The following PPTC7 variants were observed in gnomAD, a reference collection of about 807,000 sequenced individuals.
The protein encoded by PPTC7 is protein phosphatase targeting COQ7.
In PPTC7, 6 loss-of-function variants were observed where a neutral mutation model predicts 30.8. The ratio of observed to expected loss-of-function variants is 0.19; its 90% confidence interval spans 0.11 to 0.38. The LOEUF (loss-of-function observed/expected upper bound fraction) is 0.38, where lower values mean the gene tolerates loss of function less well. Ranked by LOEUF, PPTC7 falls within the 10% of genes least tolerant of loss-of-function variation. PPTC7 has a pLI of 1.00. For missense variants in PPTC7, 218 were observed against 404.8 expected (o/e 0.54, Z 3.96); for synonymous variants, 163 against 168.1 (o/e 0.97, Z 0.23).
At position 110,536,793 on chromosome 12, in the gene PPTC7, C is replaced by T. The variant is rs1293494850; in HGVS notation, c.*244G>A. 1.3e-5 allele frequency: 6 copies of T among 470,318 alleles called. No homozygotes were observed. Among genetic ancestry groups the T allele is most frequent in the African/African-American group, 2.0e-5 (1 of 50,540 alleles). The allele number at this position is 470,318 out of a possible 1,614,324, so 29.1% of individuals were successfully genotyped here. A position where few individuals can be genotyped will look rare whatever the true frequency, so the allele number is the denominator to read the frequency against. On this transcript the variant is annotated 3_prime_UTR_variant, in exon 6 of 6. Transcript: ENST00000354300. ...TCCATCCCCATCATGGAAAGAACAT[C>T]GAGAAATGAAGGCCAATCTTCAAAT...
Position 110,550,889 on chromosome 12 carries a change from C to T in PPTC7, c.403+900G>A, listed in dbSNP as rs117377306. 6.9e-3 allele frequency among the ~76,000 whole-genome samples: 1,044 copies of T among 152,294 alleles called. 1 individual carries two copies. Among genetic ancestry groups the T allele is most frequent in the Non-Finnish European group, 9.4e-3 (637 of 68,024 alleles). On this transcript the variant is annotated intron_variant, in intron 2 of 5. Coordinates refer to ENST00000354300, the MANE Select transcript of PPTC7 (RefSeq NM_139283.2). Reference sequence around the variant, plus strand: ...AATGAACTGAATTTTGCAGGCCAGACCATTTCTTTTCTTTCCTCTTGCTCT... The same window carrying T: ...AATGAACTGAATTTTGCAGGCCAGATCATTTCTTTTCTTTCCTCTTGCTCT...
intron 1 of PPTC7, among the ~76,000 whole-genome samples, chr12:110,576,233 T>G (rs936824418): frequency 2.0e-5 from 3 of 152,024 alleles, no homozygotes; most frequent in Admixed American, 2.0e-4. Flanking sequence ...ATTTATATAT[T>G]TGATTGCTGC....
At position 110,546,095 on chromosome 12, in the gene PPTC7, T is replaced by C. The variant is rs758610174; in HGVS notation, c.404-17A>G. Reference sequence around the variant, plus strand: ...TGCTGCTACCTAGAAACAAAAATCATCTCCATTTATTTTTTCTTCCTAGGC... The same window carrying C: ...TGCTGCTACCTAGAAACAAAAATCACCTCCATTTATTTTTTCTTCCTAGGC... On this transcript the variant is annotated splice_polypyrimidine_tract_variant and intron_variant, in intron 2 of 5. Transcript: ENST00000354300. 3.1e-6 allele frequency: 5 copies of C among 1,608,742 alleles called. No homozygotes were observed. The Admixed American group carries it at 6.7e-5, about 22-fold the overall frequency.
intron 1 of PPTC7, among the ~76,000 whole-genome samples, chr12:110,581,826 C>A (rs1038697014): frequency 1.3e-5 from 2 of 152,204 alleles, no homozygotes; most frequent in African/African-American, 2.4e-5. Flanking sequence ...CTTAGTCTCA[C>A]CTGGGAAGGG....
At chr12:110,553,982 C>T (rs1484146161) in intron 1 of PPTC7, among the ~76,000 whole-genome samples, 2 of 152,088 alleles carry the variant, frequency 1.3e-5, no homozygotes, top group Non-Finnish European at 2.9e-5. Context: ...CTGCTTCAGC[C>T]TCCCTAGCTG....
intron 3 of PPTC7, among the ~76,000 whole-genome samples, chr12:110,544,088 G>T (rs1026920944): frequency 6.6e-6 from 1 of 152,116 alleles, no homozygotes; most frequent in African/African-American, 2.4e-5. Context: ...ACTTTAGAAG[G>T]GCCTAGAATC....
At chr12:110,577,331 A>G (rs539977692) in intron 1 of PPTC7, among the ~76,000 whole-genome samples, 1 of 150,902 alleles carries the variant, frequency 6.6e-6, no homozygotes, top group African/African-American at 2.4e-5. Flanking sequence ...TTATGGTAAT[A>G]TAATGAGAGT....
At chr12:110,548,130 G>A (rs1478639801) in intron 2 of PPTC7, among the ~76,000 whole-genome samples, 6 of 151,308 alleles carry the variant, frequency 4.0e-5, no homozygotes, top group Non-Finnish European at 5.9e-5. Flanking sequence ...AGGTGGAGGG[G>A]AATAAAATTA....
At chr12:110,573,972 ACT>A (rs1476804006) in intron 1 of PPTC7, among the ~76,000 whole-genome samples, 1 of 150,944 alleles carries the variant, frequency 6.6e-6, no homozygotes, top group East Asian at 1.9e-4. Flanking sequence ...CAAGAGCAAA[ACT>A]CTGTCTCTAA....
chr12:110,537,562 T>C (rs1014369054), intron 5 of PPTC7, among the ~76,000 whole-genome samples: 2 of 152,218 alleles, frequency 1.3e-5, no homozygotes, highest in Admixed American at 1.3e-4. Flanking sequence ...GTCATAAAAT[T>C]ATACCAACAA....
At chr12:110,548,748 A>G (rs1394541296) in intron 2 of PPTC7, among the ~76,000 whole-genome samples, 3 of 152,210 alleles carry the variant, frequency 2.0e-5, no homozygotes, top group Non-Finnish European at 4.4e-5. Flanking sequence ...ACCCTGCGAC[A>G]GTAACTCGCT....
At chr12:110,580,749 TTTTTA>T (rs1271972612) in intron 1 of PPTC7, among the ~76,000 whole-genome samples, 2 of 151,362 alleles carry the variant, frequency 1.3e-5, no homozygotes, top group Admixed American at 6.6e-5. Flanking sequence ...GCATACAGAT[TTTTTA>T]TTTTATTTTT....
chr12:110,572,966 G>T (rs1273819583), intron 1 of PPTC7, among the ~76,000 whole-genome samples: 1 of 152,026 alleles, frequency 6.6e-6, no homozygotes, highest in South Asian at 2.1e-4. Flanking sequence ...CGCAACCTCC[G>T]CCTCCCGGGT....
At chr12:110,575,194 G>A (rs1171900502) in intron 1 of PPTC7, among the ~76,000 whole-genome samples, 1 of 151,962 alleles carries the variant, frequency 6.6e-6, no homozygotes, top group South Asian at 2.1e-4. Context: ...TTCTTAAAAA[G>A]AGATCAAAAG....
intron 1 of PPTC7, among the ~76,000 whole-genome samples, chr12:110,582,067 T>C (rs940972091): frequency 5.9e-5 from 9 of 152,216 alleles, no homozygotes; most frequent in African/African-American, 2.2e-4. Flanking sequence ...ATAACTGGAA[T>C]AGGCCTCAGG....
At chr12:110,563,838 TA>T (rs998266730) in intron 1 of PPTC7, among the ~76,000 whole-genome samples, 10 of 152,226 alleles carry the variant, frequency 6.6e-5, no homozygotes, top group African/African-American at 2.4e-4. Context: ...CTAGAGAAGA[TA>T]ATTTCCAGAC....
rs997443120 is a variant in PPTC7, at chr12:110,582,725, G to A, written c.223+84C>T. The A allele has an allele frequency of 5.9e-6, 7 of 1,192,854 alleles. No homozygotes were observed. In the African/African-American group the frequency reaches 7.8e-5, roughly 13 times the overall value. 73.9% of individuals were successfully genotyped at this position (1,192,854 alleles called of 1,614,324 possible). On this transcript the variant is annotated intron_variant, in intron 1 of 5. Transcript: ENST00000354300. Reference sequence around the variant, plus strand: ...GAGCGCTCTGGCTCCTTTCGCCGCCGGGAGGAACTGGGGAAGCCCCGCGCG... The same window carrying A: ...GAGCGCTCTGGCTCCTTTCGCCGCCAGGAGGAACTGGGGAAGCCCCGCGCG...
At chr12:110,559,511 A>G (rs2064419402) in intron 1 of PPTC7, among the ~76,000 whole-genome samples, 1 of 151,308 alleles carries the variant, frequency 6.6e-6, no homozygotes, top group African/African-American at 2.4e-5. Flanking sequence ...AGATCACTTG[A>G]GGTCAGGATT....
chr12:110,572,635 T>C (rs565552383), intron 1 of PPTC7, among the ~76,000 whole-genome samples: 1 of 152,320 alleles, frequency 6.6e-6, no homozygotes, highest in African/African-American at 2.4e-5. Flanking sequence ...TTTCGTAGTC[T>C]CTGGCAAAGT....
Sources: gnomAD v4.1 joint callset for allele counts (sites outside exome capture counted in the v4.1 genomes callset) on GRCh38, gnomAD v4.1.1 for gene constraint, MANE v1.5 for transcripts, NCBI Gene and HGNC (gene_info 2026-07-23, HGNC 2026-07-21) for gene names.